SLC1A6: variants seen among roughly 807,000 people sequenced by gnomAD.
SLC1A6 encodes the protein solute carrier family 1 member 6, also known as excitatory amino acid transporter 4.
A neutral mutation model predicts 42.1 loss-of-function variants in SLC1A6; 15 were observed. The ratio of observed to expected loss-of-function variants is 0.36; its 90% CI spans 0.24 to 0.55. The LOEUF (loss-of-function observed/expected upper bound fraction) is 0.55, where lower values mean the gene tolerates loss of function less well. Among genes scored for constraint, SLC1A6 ranks in the 20% least tolerant of loss-of-function variants. The pLI, the probability that SLC1A6 is intolerant of heterozygous loss-of-function variation, is 0.88. For synonymous variants in SLC1A6, 317 were observed against 319.7 expected (o/e 0.99, Z 0.09); for missense variants, 542 against 772.5 (o/e 0.70, Z 3.54).
At chr19:14,989,085 C>T (rs1047112702) in intron 1 of SLC1A6, among the ~76,000 whole-genome samples, 1 of 152,022 alleles carries the variant, frequency 6.6e-6, no homozygotes, top group African/African-American at 2.4e-5. Flanking sequence ...GATGGGTACC[C>T]ATGGTTTTAC....
chr19:14,954,877 G>C (rs3815187), intron 7 of SLC1A6, among the ~76,000 whole-genome samples: 110,129 of 152,056 alleles, frequency 0.72, 40,327 homozygotes, highest in African/African-American at 0.84. Flanking sequence ...GTTTATGGCA[G>C]TAGTTCGTTC....
At chr19:14,968,245 C>T in intron 4 of SLC1A6, 58 bp downstream of exon 4, 3 of 1,373,834 alleles carry the variant, frequency 2.2e-6, no homozygotes, top group Non-Finnish European at 3.0e-6. Context: ...TAATCTTTTA[C>T]AATAAATAAA....
Position 14,954,270 on chromosome 19 carries a change from C to T in SLC1A6, c.1229G>A (p.Arg410His). The change falls in exon 8 of 10, where the codon CGC (arginine) becomes CAC (histidine). Residue 410 changes from arginine (R) to histidine (H), a missense_variant. Coordinates refer to ENST00000594383, the MANE Select transcript of SLC1A6 (RefSeq NM_005071.3). ...CLEEGLGVDR[R>H]ITRFVLPVGA... The stretch of plus-strand genomic sequence containing the variant: ...CACGGGCAGGACGAACCTGGTGATG[C>T]GGCGGTCCACACCCAGGCCCTCCTC... 1 of 1,613,420 alleles carries T rather than the reference C, an allele frequency of 6.2e-7. No individual in the cohort carries two copies. The highest frequency in any genetic ancestry group is 8.5e-7 in the Non-Finnish European group (1 of 1,180,028).
At chr19:14,969,360 G>A (rs2045611687) in intron 3 of SLC1A6, among the ~76,000 whole-genome samples, 1 of 152,176 alleles carries the variant, frequency 6.6e-6, no homozygotes, top group Non-Finnish European at 1.5e-5. Context: ...CAAAATGGGA[G>A]CTGCCTTGCC....
upstream of SLC1A6, among the ~76,000 whole-genome samples, chr19:14,984,365 A>G (rs1019294766): frequency 1.3e-5 from 2 of 152,186 alleles, no homozygotes; most frequent in African/African-American, 2.4e-5. Flanking sequence ...AAGCAACTTC[A>G]TAGAATATAA....
Position 14,962,193 on chromosome 19 carries a change from C to T in SLC1A6, c.744G>A (p.Gln248=), listed in dbSNP as rs2045520175. The change falls in exon 6 of 10, where the codon CAG becomes CAA. Residue 248 remains glutamine (Q), a synonymous_variant. Coordinates refer to ENST00000594383, the MANE Select transcript of SLC1A6 (RefSeq NM_005071.3). ...CAGTCTCCTCAAAGCTCAGCATCTC[C>T]TGCAGGGTACCCAAGGCCCGAGTGA... ...ENVTRALGTL[Q]EMLSFEETVP... 6.2e-7 allele frequency: 1 copy of T among 1,614,222 alleles called. No individual in the cohort carries two copies.
chr19:14,968,687 T>C (rs1436808489), intron 3 of SLC1A6, among the ~76,000 whole-genome samples, 180 bp from the exon 4 acceptor site: 1 of 150,780 alleles, frequency 6.6e-6, no homozygotes, highest in Non-Finnish European at 1.5e-5. Context: ...ATCTTTCTAC[T>C]TCTAATTTTC....
Position 14,972,563 on chromosome 19 carries a change from G to T in SLC1A6, c.205+143C>A, listed in dbSNP as rs1412246023. The stretch of plus-strand genomic sequence containing the variant: ...ATCTGTGTGGTGTGTCTTTATGTGG[G>T]GGGTTGAGGGTGACTGGTGGGACTG... On this transcript the variant is annotated intron_variant, in intron 2 of 9. Coordinates refer to ENST00000594383, the MANE Select transcript of SLC1A6 (RefSeq NM_005071.3). 4.6e-6 allele frequency: 3 copies of T among 654,160 alleles called. No homozygotes were observed. In the African/African-American group the frequency reaches 5.5e-5, roughly 12 times the overall value. 40.5% of individuals were successfully genotyped at this position (654,160 alleles called of 1,614,324 possible). A position where few individuals can be genotyped will look rare whatever the true frequency, so the allele number is the denominator to read the frequency against.
upstream of SLC1A6, among the ~76,000 whole-genome samples, chr19:14,982,280 A>G (rs2076864276): frequency 6.6e-6 from 1 of 152,244 alleles, no homozygotes; most frequent in Non-Finnish European, 1.5e-5. Context: ...CTGTAATCCC[A>G]GCCCTTTGGA....
upstream of SLC1A6, among the ~76,000 whole-genome samples, chr19:14,982,043 G>A (rs1415012715): frequency 1.3e-5 from 2 of 150,430 alleles, no homozygotes; most frequent in African/African-American, 5.0e-5. Context: ...GGGCAACAGA[G>A]CGAGACCCTG....
intron 1 of SLC1A6, among the ~76,000 whole-genome samples, chr19:14,985,695 G>T (rs2145227992): frequency 6.6e-6 from 1 of 152,340 alleles, no homozygotes; most frequent in Middle Eastern, 3.4e-3. Flanking sequence ...CCGGGCACTT[G>T]GCTCACGCCT....
chr19:15,008,443 G>A (rs751590942), intron 1 of SLC1A6, among the ~76,000 whole-genome samples: 3 of 152,030 alleles, frequency 2.0e-5, no homozygotes, highest in Non-Finnish European at 4.4e-5. Context: ...AAAAGGGAAA[G>A]CTTATACACT....
rs1161096319 is a variant in SLC1A6, at chr19:14,979,049, G to GTCTCTCTC, written c.-8+259_-8+260insGAGAGAGA. 3.3e-5 allele frequency among the ~76,000 whole-genome samples: 1 copy of GTCTCTCTC among 30,652 alleles called. No homozygotes were observed. The highest frequency in any genetic ancestry group is 1.2e-4 in the African/African-American group (1 of 8,600). 20.1% of individuals were successfully genotyped at this position (30,652 alleles called of 152,430 possible). A position where few individuals can be genotyped will look rare whatever the true frequency, so the allele number is the denominator to read the frequency against. On this transcript the variant is annotated intron_variant, in intron 1 of 9. Coordinates refer to ENST00000594383, the MANE Select transcript of SLC1A6 (RefSeq NM_005071.3). This position sits in a 1 kb window ranked among gnomAD's most constrained non-coding sequence, Gnocchi z 4.2. ...ACAAATTCAGTCTCTCTCTCTCTCTGTCACACACACACACACACACACACA... is the reference window on the plus strand; with the variant it reads ...ACAAATTCAGTCTCTCTCTCTCTCTGTCTCTCTCTCACACACACACACACACACACACA...
In SLC1A6 at chr19:15,005,588, G is replaced by C. The variant is rs372207072; in HGVS notation, c.6+4897C>G. Reference sequence around the variant, plus strand: ...ATCAGGCTAGAGAAGTGTCCAAAATGGGTCATCAAAGCCAGGAGCTAGCAG... The same window carrying C: ...ATCAGGCTAGAGAAGTGTCCAAAATCGGTCATCAAAGCCAGGAGCTAGCAG... On this transcript the variant is annotated intron_variant, in intron 1 of 8. Transcript: ENST00000430939. Among the ~76,000 whole-genome samples the C allele has an allele frequency of 2.6e-5, 4 of 152,198 alleles. No homozygotes were observed. The South Asian group carries it at 8.3e-4, about 32-fold the overall frequency.
intron 1 of SLC1A6, among the ~76,000 whole-genome samples, chr19:14,997,322 G>A (rs2045851970): frequency 6.6e-6 from 1 of 152,088 alleles, no homozygotes; most frequent in Non-Finnish European, 1.5e-5. Flanking sequence ...ATTTACTGAT[G>A]TCTCGTGTCT....
At chr19:14,987,261 G>T in intron 1 of SLC1A6, among the ~76,000 whole-genome samples, 1 of 152,034 alleles carries the variant, frequency 6.6e-6, no homozygotes, top group East Asian at 1.9e-4. Flanking sequence ...GAGGTCAGGA[G>T]ATCGAGACCA....
upstream of SLC1A6, among the ~76,000 whole-genome samples, chr19:14,984,009 G>A (rs903249111): frequency 2.6e-5 from 4 of 152,044 alleles, no homozygotes; most frequent in African/African-American, 9.7e-5. Flanking sequence ...CTACTTCAGT[G>A]TTCAAAGCAA....
chr19:14,968,275 T>C, intron 4 of SLC1A6, 28 bp downstream of exon 4: 1 of 1,523,724 alleles, frequency 6.6e-7, no homozygotes, highest in Non-Finnish European at 9.0e-7. Flanking sequence ...TTCAAATGTG[T>C]ATATTGTGGT....
chr19:14,972,993 G>C, intron 1 of SLC1A6, 76 bp from the exon 2 acceptor site: 1 of 1,158,828 alleles, frequency 8.6e-7, no homozygotes, highest in Non-Finnish European at 1.2e-6. Context: ...CGAAGGCTGC[G>C]AAGGGTAATG....
Sources: allele counts gnomAD v4.1 joint callset (sites outside exome capture counted in the v4.1 genomes callset), GRCh38; gene constraint gnomAD v4.1.1; non-coding constraint Gnocchi (gnomAD v3.1); transcripts MANE v1.5; gene names NCBI Gene and HGNC (gene_info 2026-07-23, HGNC 2026-07-21).